C6: variants seen among roughly 807,000 people sequenced by gnomAD.
The protein encoded by C6 is complement component C6.
In C6, 101 loss-of-function variants were observed where a neutral mutation model predicts 112.9. The ratio of observed to expected loss-of-function variants is 0.89; its 90% confidence interval spans 0.76 to 1.06. C6 has a LOEUF of 1.06. Among genes scored for constraint, C6 ranks in the 50% least tolerant of loss-of-function variants. The probability of loss-of-function intolerance (pLI) is 0.00; values close to 1 mark genes in which losing one functional copy is unlikely to be tolerated. For synonymous variants in C6, 431 were observed against 384.1 expected (o/e 1.12, Z -1.43); for missense variants, 1,202 against 1,104.6 (o/e 1.09, Z -1.25).
rs1190858347 is a variant in C6, at chr5:41,161,766, G to C, written c.1385C>G (p.Ser462Cys). Reference sequence around the variant, plus strand: ...AGAAAATGTCTTCTCCTCCAGACCAGAGCTCCCTTTCTCCCATGCCAAAGC... The same window carrying C: ...AGAAAATGTCTTCTCCTCCAGACCACAGCTCCCTTTCTCCCATGCCAAAGC... ...GAALAWEKGS[S>C]GLEEKTFSEW... The change falls in exon 10 of 18, where the codon TCT becomes TGT. Residue 462 changes from serine (S) to cysteine (C), a missense_variant. Coordinates refer to ENST00000337836, the MANE Select transcript of C6 (RefSeq NM_000065.5). 1 of 1,613,480 alleles carries C rather than the reference G, an allele frequency of 6.2e-7. No individual in the cohort carries two copies. Among genetic ancestry groups the C allele is most frequent in the African/African-American group, 1.3e-5 (1 of 74,866 alleles).
At chr5:41,230,215 C>G (rs527642002) in intron 1 of C6, among the ~76,000 whole-genome samples, 1 of 152,136 alleles carries the variant, frequency 6.6e-6, no homozygotes, top group South Asian at 2.1e-4. Context: ...TTGAAAAGAA[C>G]AGCATAACAG....
At chr5:41,218,087 C>G (rs1382723262), upstream of C6, among the ~76,000 whole-genome samples, 2 of 152,248 alleles carry the variant, frequency 1.3e-5, no homozygotes, top group East Asian at 3.9e-4. Context: ...ATATACCAGG[C>G]ATTATGCTGG....
intron 1 of C6, among the ~76,000 whole-genome samples, chr5:41,232,717 T>C (rs1391993362): frequency 6.6e-6 from 1 of 152,116 alleles, no homozygotes; most frequent in Non-Finnish European, 1.5e-5. Flanking sequence ...GATTAATTCC[T>C]GATTATTTTT....
intron 1 of C6, chr5:41,212,963 T>G (rs1244341819): frequency 1.3e-5 from 2 of 152,194 alleles, no homozygotes; most frequent in Non-Finnish European, 2.9e-5. Flanking sequence ...AGGTTCTTCC[T>G]TTACATCTCC....
At chr5:41,174,690 C>A (rs1015479791) in intron 8 of C6, among the ~76,000 whole-genome samples, 1 of 152,036 alleles carries the variant, frequency 6.6e-6, no homozygotes, top group African/African-American at 2.4e-5. Context: ...TTTTCTTTTT[C>A]TTGAGGGAAA....
intron 3 of C6, among the ~76,000 whole-genome samples, chr5:41,201,186 A>G (rs1482551444): frequency 6.6e-6 from 1 of 152,138 alleles, no homozygotes; most frequent in Non-Finnish European, 1.5e-5. Context: ...CAAATATTTC[A>G]GAATCCACAA....
At chr5:41,151,929 A>G (rs1261522617) in intron 15 of C6, among the ~76,000 whole-genome samples, 1 of 152,134 alleles carries the variant, frequency 6.6e-6, no homozygotes, top group East Asian at 1.9e-4. Context: ...TTTTCTTACA[A>G]GAATCAGTGG....
chr5:41,142,778 T>C lies in C6; in HGVS notation c.*47A>G. On this transcript the variant is annotated 3_prime_UTR_variant, in exon 18 of 18. Transcript: ENST00000337836. ...ATTCTCATTTGTAGGAGTTGGTTCT[T>C]CGGGATGGTAAATCTGTTCATTGTG... is the stretch of plus-strand genomic sequence containing the variant. The C allele has an allele frequency of 1.4e-6, 2 of 1,468,144 alleles. No homozygotes were observed. The highest frequency in any genetic ancestry group is 1.9e-6 in the Non-Finnish European group (2 of 1,047,928). 90.9% of individuals were successfully genotyped at this position (1,468,144 alleles called of 1,614,324 possible).
At chr5:41,259,438 T>A (rs2150447588) in intron 1 of C6, among the ~76,000 whole-genome samples, 1 of 151,816 alleles carries the variant, frequency 6.6e-6, no homozygotes, top group South Asian at 2.1e-4. Context: ...TTAATTTCAA[T>A]TTTAAATTCT....
chr5:41,235,220 TC>T (rs1208125614), intron 1 of C6, among the ~76,000 whole-genome samples: 2 of 90,254 alleles, frequency 2.2e-5, no homozygotes, highest in African/African-American at 8.6e-5. Context: ...ATGCTATCCC[TC>T]CCCCCTCCCC....
At chr5:41,242,788 A>G (rs2150427660) in intron 1 of C6, among the ~76,000 whole-genome samples, 1 of 152,290 alleles carries the variant, frequency 6.6e-6, no homozygotes, top group East Asian at 1.9e-4. Context: ...AAAAGTATGT[A>G]CACTCAATGG....
chr5:41,149,218 G>T (rs1227604730), intron 17 of C6, 23 bp downstream of exon 17: 5 of 1,613,562 alleles, frequency 3.1e-6, no homozygotes, highest in Non-Finnish European at 4.2e-6. Flanking sequence ...AGAGCATTTA[G>T]TATGGTCACC....
At chr5:41,236,177 C>T (rs1425786235) in intron 1 of C6, among the ~76,000 whole-genome samples, 26 of 105,168 alleles carry the variant, frequency 2.5e-4, no homozygotes, top group African/African-American at 9.7e-4. Context: ...AATGGTAATG[C>T]CTAGGTTTTC....
At chr5:41,158,349 G>A (rs977480285) in intron 13 of C6, among the ~76,000 whole-genome samples, 1 of 152,084 alleles carries the variant, frequency 6.6e-6, no homozygotes, top group East Asian at 1.9e-4. Context: ...CTTAGGTAAG[G>A]GTATCAGTTT....
Position 41,155,707 on chromosome 5 carries a change from C to T in C6, c.1969-603G>A, listed in dbSNP as rs566443733. Reference sequence around the variant, plus strand: ...TTGTTCCATTGTACTTCAGCGTGGGCAACAGAGTGAAATCCTGTCTCAAAA... The same window carrying T: ...TTGTTCCATTGTACTTCAGCGTGGGTAACAGAGTGAAATCCTGTCTCAAAA... On this transcript the variant is annotated intron_variant, in intron 13 of 17. Coordinates refer to ENST00000337836, the MANE Select transcript of C6 (RefSeq NM_000065.5). Among the ~76,000 whole-genome samples, 15 of 150,918 alleles carry T rather than the reference C, an allele frequency of 9.9e-5. No individual in the cohort carries two copies. The South Asian group carries it at 3.1e-3, about 32-fold the overall frequency.
chr5:41,142,706 AT>A lies in C6; in HGVS notation c.*118del. On this transcript the variant is annotated 3_prime_UTR_variant, in exon 18 of 18. Transcript: ENST00000337836. Reference sequence around the variant, plus strand: ...AATGATCTCAAACTAACAGAAAATAATTTTTGTCAGTAACTTTGAGCATGCC... The same window carrying A: ...AATGATCTCAAACTAACAGAAAATAATTTTGTCAGTAACTTTGAGCATGCC... The A allele has an allele frequency of 2.5e-6, 2 of 811,958 alleles. No homozygotes were observed. Among genetic ancestry groups the A allele is most frequent in the South Asian group, 2.8e-5 (2 of 72,312 alleles). The allele number at this position is 811,958 out of a possible 1,614,324, so 50.3% of individuals were successfully genotyped here.
intron 11 of C6, 122 bp from the exon 12 acceptor site, chr5:41,159,375 G>A: frequency 6.9e-7 from 1 of 1,458,628 alleles, no homozygotes; most frequent in Non-Finnish European, 9.1e-7. Context: ...ATATGATAGG[G>A]TTCTTCTAAG....
At position 41,153,897 on chromosome 5, in the gene C6, C is replaced by A. The variant is rs1296484810; in HGVS notation, c.2203G>T (p.Gly735Cys). 3 of 1,613,680 alleles carry A rather than the reference C, an allele frequency of 1.9e-6. No homozygotes were observed. Among genetic ancestry groups the A allele is most frequent in the Non-Finnish European group, 2.5e-6 (3 of 1,179,814 alleles). ...GESIELTCPKGFVVAGPSRYT... is the reference protein window; with the variant it reads ...GESIELTCPKCFVVAGPSRYT... ...CTTGATGGCCCAGCAACAACAAAGCCTTTGGGGCAAGTTAGCTCAATGGAT... is the reference window on the plus strand; with the variant it reads ...CTTGATGGCCCAGCAACAACAAAGCATTTGGGGCAAGTTAGCTCAATGGAT... Residue 735 changes from glycine (G) to cysteine (C), a missense_variant, in exon 15 of 18, where the codon GGC becomes TGC. Gly to Cys is a radical substitution (Grantham distance 159). Transcript: ENST00000337836.
rs1359944557 is a variant in C6 at position 41,176,540 on chromosome 5, G to A, written c.1103C>T (p.Ser368Phe). ...FDDFGTHYFT[S>F]GSLGGVYDLL... ...GTCATACACGCCTCCCAGGGAGCCAGAGGTGAAGTAATGAGTCCCAAAGTC... is the reference window on the plus strand; with the variant it reads ...GTCATACACGCCTCCCAGGGAGCCAAAGGTGAAGTAATGAGTCCCAAAGTC... Residue 368 changes from serine (S) to phenylalanine (F), a missense_variant, in exon 8 of 18, where the codon TCT becomes TTT. Physicochemically the swap from Ser to Phe is radical, Grantham distance 155. Coordinates refer to ENST00000337836, the MANE Select transcript of C6 (RefSeq NM_000065.5). The A allele has an allele frequency of 9.3e-6, 15 of 1,613,882 alleles. No homozygotes were observed. Among genetic ancestry groups the A allele is most frequent in the Non-Finnish European group, 1.3e-5 (15 of 1,179,876 alleles).
Sources: gnomAD v4.1 joint callset for allele counts (sites outside exome capture counted in the v4.1 genomes callset) on GRCh38, gnomAD v4.1.1 for gene constraint, MANE v1.5 for transcripts, NCBI Gene and HGNC (gene_info 2026-07-23, HGNC 2026-07-21) for gene names.